The following IL6ST variants were observed in gnomAD, a reference collection of about 807,000 sequenced individuals.
The protein encoded by IL6ST is interleukin 6 cytokine family signal transducer.
IL6ST carries 24 observed loss-of-function variants against 91.3 expected under a neutral mutation model. The observed-to-expected ratio is 0.26, with a 90% CI of 0.19 to 0.37. IL6ST has a LOEUF of 0.37. IL6ST is among the 10% of genes least tolerant of loss of function. The probability of loss-of-function intolerance (pLI) is 1.00; values close to 1 mark genes in which losing one functional copy is unlikely to be tolerated. For synonymous variants in IL6ST, 351 were observed against 373.6 expected, an observed-to-expected ratio of 0.94 and a Z score of 0.70; for missense variants, 914 against 1,078.5, an observed-to-expected ratio of 0.85 and a Z score of 2.14.
At chr5:55,957,861 AAAAAAT>A (rs1752082692) in intron 8 of IL6ST, among the ~76,000 whole-genome samples, 1 of 152,160 alleles carries the variant, frequency 6.6e-6, no homozygotes, top group African/African-American at 2.4e-5. Flanking sequence ...TTTTAACAGT[AAAAAAT>A]AAAAATGAAA....
rs752983815 is a variant in IL6ST, at chr5:55,964,320, C to T, written c.492-8G>A. 5 of 1,590,110 alleles carry T rather than the reference C, an allele frequency of 3.1e-6. No individual in the cohort carries two copies. The South Asian group carries it at 3.4e-5, about 11-fold the overall frequency. On this transcript the variant is annotated splice_polypyrimidine_tract_variant and splice_region_variant and intron_variant, in intron 5 of 16. Coordinates refer to ENST00000381298, the MANE Select transcript of IL6ST (RefSeq NM_002184.4). The stretch of plus-strand genomic sequence containing the variant: ...GCAAACTTGTGTGTTGCCCTAAATA[C>T]AAAAAATTGAAGAATCAGTCATTAA...
intron 1 of IL6ST, among the ~76,000 whole-genome samples, chr5:55,992,599 T>G (rs1754396103): frequency 6.6e-6 from 1 of 152,242 alleles, no homozygotes; most frequent in Non-Finnish European, 1.5e-5. Flanking sequence ...TTTTAATTAA[T>G]AGACCTTAGT....
chr5:55,969,817 A>G lies in IL6ST; in HGVS notation c.103T>C (p.Ser35Pro), dbSNP rs1184577910. The change falls in exon 4 of 17, where the codon TCT (serine) becomes CCT (proline). Residue 35 changes from serine (S) to proline (P), a missense_variant. Coordinates refer to ENST00000381298, the MANE Select transcript of IL6ST (RefSeq NM_002184.4). ...TTAGAATGAAGTTGTACAACTGGAG[A>G]TTCAGGACTGATATAACCACATGGA... ...LDPCGYISPESPVVQLHSNFT... is the reference protein window; with the variant it reads ...LDPCGYISPEPPVVQLHSNFT... 1.2e-6 allele frequency: 2 copies of G among 1,610,706 alleles called. No homozygotes were observed. The highest frequency in any genetic ancestry group is 8.5e-7 in the Non-Finnish European group (1 of 1,177,208).
intron 5 of IL6ST, 38 bp from the exon 6 acceptor site, chr5:55,964,350 ACAT>A (rs766422728): frequency 1.4e-6 from 2 of 1,478,948 alleles, no homozygotes; most frequent in South Asian, 2.4e-5. Context: ...CATTAAAAAC[ACAT>A]CTGAAAAAAT....
chr5:55,951,210 GA>G (rs1466963449), intron 14 of IL6ST, among the ~76,000 whole-genome samples: 1 of 152,114 alleles, frequency 6.6e-6, no homozygotes, highest in East Asian at 1.9e-4. Context: ...TGAAAAAAAT[GA>G]ACCCACATGG....
chr5:55,950,287 A>T (rs1173716723), intron 14 of IL6ST: 1 of 438,382 alleles, frequency 2.3e-6, no homozygotes, highest in East Asian at 7.0e-5. Flanking sequence ...CTGTAATCCC[A>T]GCACTTTGGG....
At chr5:55,973,316 T>C (rs1421697007) in intron 3 of IL6ST, among the ~76,000 whole-genome samples, 1 of 152,224 alleles carries the variant, frequency 6.6e-6, no homozygotes, top group African/African-American at 2.4e-5. Flanking sequence ...AGGTGGGGAC[T>C]GCATTTCCCC....
At chr5:55,986,414 A>C (rs773763814) in intron 1 of IL6ST, among the ~76,000 whole-genome samples, 2 of 152,118 alleles carry the variant, frequency 1.3e-5, no homozygotes, top group African/African-American at 2.4e-5. Context: ...GATTAGTGTT[A>C]TCATGACATA....
At chr5:55,959,666 C>T (rs913922373) in intron 8 of IL6ST, 4 of 1,294,364 alleles carry the variant, frequency 3.1e-6, no homozygotes, top group Admixed American at 2.3e-5. Flanking sequence ...AGGGGCTTAT[C>T]AAGTGCTATT....
intron 6 of IL6ST, 137 bp downstream of exon 6, chr5:55,964,009 A>C: frequency 2.4e-6 from 1 of 417,100 alleles, no homozygotes; most frequent in Non-Finnish European, 4.1e-6. Context: ...AAATCTAAAA[A>C]AGTAAAATCT....
intron 1 of IL6ST, among the ~76,000 whole-genome samples, chr5:55,987,228 C>T (rs1754025733): frequency 6.6e-6 from 1 of 152,162 alleles, no homozygotes; most frequent in Non-Finnish European, 1.5e-5. Context: ...GTATTTCCAT[C>T]TGGTATCATT....
At chr5:55,946,637 T>C (rs1412140805) in intron 15 of IL6ST, among the ~76,000 whole-genome samples, 1 of 151,866 alleles carries the variant, frequency 6.6e-6, no homozygotes, top group Non-Finnish European at 1.5e-5. Context: ...GCCAACATGA[T>C]GAAACTCCGT....
chr5:55,977,998 A>T (rs925350806), intron 2 of IL6ST, among the ~76,000 whole-genome samples: 9 of 144,044 alleles, frequency 6.2e-5, no homozygotes, highest in Non-Finnish European at 9.2e-5. Flanking sequence ...AATTCTATTT[A>T]AAAAAAAAAA....
chr5:55,942,160 T>TAC (rs1283516603), intron 16 of IL6ST, among the ~76,000 whole-genome samples: 2 of 152,318 alleles, frequency 1.3e-5, no homozygotes, highest in Non-Finnish European at 2.9e-5. Flanking sequence ...AAATACATAA[T>TAC]ACATTTTAAT....
At chr5:55,983,968 C>T (rs1351648264) in intron 1 of IL6ST, among the ~76,000 whole-genome samples, 1 of 151,948 alleles carries the variant, frequency 6.6e-6, no homozygotes, top group Non-Finnish European at 1.5e-5. Flanking sequence ...TCATAGAGAT[C>T]TTCCCTAACC....
At chr5:55,964,452 A>G in intron 5 of IL6ST, 140 bp from the exon 6 acceptor site, 1 of 532,476 alleles carries the variant, frequency 1.9e-6, no homozygotes, top group Non-Finnish European at 3.3e-6. Flanking sequence ...CACTAACAAA[A>G]TTTCTTAAAA....
intron 1 of IL6ST, among the ~76,000 whole-genome samples, chr5:55,986,635 C>T (rs1753988427): frequency 6.6e-6 from 1 of 151,998 alleles, no homozygotes; most frequent in Non-Finnish European, 1.5e-5. Context: ...TTCTTTGTTC[C>T]TGTTTACTTT....
In IL6ST at chr5:55,947,500, G is replaced by A. The variant is rs191156572; in HGVS notation, c.1930C>T (p.Arg644Ter). Reference protein sequence around the residue: ...LLGVLFCFNKRDLIKKHIWPN... With the variant: ...LLGVLFCFNK The stretch of plus-strand genomic sequence containing the variant: ...ATGAATAAAGTTACTTACAGGTCTC[G>A]CTTATTAAAGCAGAACAGCACTCCC... Residue 644 changes from arginine (R) to a stop codon, truncating the protein, a stop_gained, in exon 15 of 17, where the codon CGA (arginine) becomes TGA (stop). Transcript: ENST00000381298. LOFTEE classifies it high-confidence loss of function. 6.4e-7 allele frequency: 1 copy of A among 1,550,582 alleles called. No homozygotes were observed. The highest frequency in any genetic ancestry group is 8.8e-7 in the Non-Finnish European group (1 of 1,141,328).
chr5:55,955,294 CTAA>C (rs1751886289), intron 10 of IL6ST, among the ~76,000 whole-genome samples: 2 of 152,102 alleles, frequency 1.3e-5, no homozygotes, highest in Non-Finnish European at 2.9e-5. Flanking sequence ...CCCGTCTCTA[CTAA>C]AAATACAAAA....
Sources: gnomAD v4.1 joint callset for allele counts (sites outside exome capture counted in the v4.1 genomes callset) on GRCh38, gnomAD v4.1.1 for gene constraint, MANE v1.5 for transcripts, NCBI Gene and HGNC (gene_info 2026-07-23, HGNC 2026-07-21) for gene names.